DAP3: variants seen among roughly 807,000 people sequenced by gnomAD.
The protein encoded by DAP3 is death associated protein 3.
DAP3 carries 28 observed loss-of-function variants against 51.9 expected under a neutral mutation model. The observed-to-expected ratio is 0.54, with a 90% CI of 0.40 to 0.74. The LOEUF (loss-of-function observed/expected upper bound fraction) is 0.74. DAP3 is among the 30% of genes least tolerant of loss of function. The pLI, the probability that DAP3 is intolerant of heterozygous loss-of-function variation, is 0.00. For missense variants in DAP3, 458 were observed against 483.5 expected, an observed-to-expected ratio of 0.95 and a Z score of 0.49; for synonymous variants, 170 against 170.3, an observed-to-expected ratio of 1.00 and a Z score of 0.01.
chr1:155,728,374 C>T (rs2149191415), intron 7 of DAP3, among the ~76,000 whole-genome samples: 1 of 152,038 alleles, frequency 6.6e-6, no homozygotes, highest in East Asian at 1.9e-4. Context: ...TGAGCCTGGC[C>T]AACATGGTGA....
chr1:155,732,270 A>C (rs548809), intron 11 of DAP3: 25,615 of 273,194 alleles, frequency 0.094, 3,065 homozygotes, highest in African/African-American at 0.35. Context: ...TGCTCTGTCA[A>C]CCAGGCTTGA....
upstream of DAP3, chr1:155,688,928 A>G (rs1264843486): frequency 1.2e-6 from 2 of 1,612,324 alleles, no homozygotes; most frequent in Admixed American, 3.3e-5. Context: ...ATGACAACCT[A>G]CCTCCCTGGG....
chr1:155,732,879 C>T lies in DAP3; in HGVS notation c.993+846C>T, dbSNP rs796193813. Among the ~76,000 whole-genome samples the T allele has an allele frequency of 1.2e-4, 18 of 152,198 alleles. 1 individual carries two copies. The highest frequency in any genetic ancestry group is 4.1e-4 in the African/African-American group (17 of 41,536). On this transcript the variant is annotated intron_variant, in intron 11 of 12. Coordinates refer to ENST00000368336, the MANE Select transcript of DAP3 (RefSeq NM_004632.4). Reference sequence around the variant, plus strand: ...CTCTACTAAAAATACAAAAAATTAGCCAGGCGTCGTGGCGCGTGGCTGTAA... The same window carrying T: ...CTCTACTAAAAATACAAAAAATTAGTCAGGCGTCGTGGCGCGTGGCTGTAA...
chr1:155,730,914 C>T (rs1571560476), intron 9 of DAP3, among the ~76,000 whole-genome samples: 1 of 151,990 alleles, frequency 6.6e-6, no homozygotes, highest in Admixed American at 6.6e-5. Context: ...CCAGAGGCTA[C>T]GTGGCTTATC....
At chr1:155,730,090 GTATA>G (rs978881090) in intron 9 of DAP3, among the ~76,000 whole-genome samples, 14 of 139,034 alleles carry the variant, frequency 1.0e-4, no homozygotes, top group African/African-American at 2.7e-4. Context: ...ATTCATATAT[GTATA>G]TATACACACA....
Position 155,738,144 on chromosome 1 carries a change from G to A in DAP3, c.1112-13G>A. On this transcript the variant is annotated splice_polypyrimidine_tract_variant and intron_variant, in intron 12 of 12. Coordinates refer to ENST00000368336, the MANE Select transcript of DAP3 (RefSeq NM_004632.4). ...AGGAAACTGCCACTTACCTGTGTTT[G>A]TCTCCATTTTAGCTCCTACAGAAGA... 1 of 1,614,080 alleles carries A rather than the reference G, an allele frequency of 6.2e-7. No homozygotes were observed. The highest frequency in any genetic ancestry group is 8.5e-7 in the Non-Finnish European group (1 of 1,179,956).
chr1:155,725,978 T>A lies in DAP3; in HGVS notation c.431T>A (p.Phe144Tyr), dbSNP rs756760074. ...CTAAGTCTTTGCCATGTTATTCATT[T>A]CTGTGCAAAACAGGACTGGCTGATA... ...KTLSLCHVIH[F>Y]CAKQDWLILH... is the part of the protein sequence containing the mutation. Residue 144 changes from phenylalanine to tyrosine, a missense_variant, in exon 6 of 13, where the codon TTC becomes TAC. By Grantham distance (22) the Phe-to-Tyr change is conservative. Transcript: ENST00000368336. 1 of 1,614,192 alleles carries A rather than the reference T, an allele frequency of 6.2e-7. No homozygotes were observed. The highest frequency in any genetic ancestry group is 2.2e-5 in the East Asian group (1 of 44,874).
chr1:155,717,070 A>G lies in DAP3; in HGVS notation c.110A>G (p.Asp37Gly). Residue 37 changes from aspartate to glycine, a missense_variant, in exon 3 of 13, where the codon GAT becomes GGT. Transcript: ENST00000368336. ...QARQSIAAHL[D>G]NQVPVESPRA... ...CGCCAAAGCATTGCTGCTCACCTAGATAACCAGGTTCCAGTTGAGAGTCCG... is the reference window on the plus strand; with the variant it reads ...CGCCAAAGCATTGCTGCTCACCTAGGTAACCAGGTTCCAGTTGAGAGTCCG... 1 of 1,614,106 alleles carries G rather than the reference A, an allele frequency of 6.2e-7. No homozygotes were observed. Among genetic ancestry groups the G allele is most frequent in the Non-Finnish European group, 8.5e-7 (1 of 1,180,022 alleles).
chr1:155,734,344 CTT>C (rs372867843), intron 11 of DAP3, among the ~76,000 whole-genome samples: 2 of 145,358 alleles, frequency 1.4e-5, no homozygotes, highest in Non-Finnish European at 1.5e-5. Flanking sequence ...CTTTTCTTTC[CTT>C]TTTTTTTTTA....
intron 2 of DAP3, among the ~76,000 whole-genome samples, chr1:155,713,504 C>T (rs780309413): frequency 3.3e-5 from 5 of 152,192 alleles, no homozygotes; most frequent in Non-Finnish European, 7.3e-5. Flanking sequence ...TACGTACTCT[C>T]TCATTGCATG....
chr1:155,727,566 GT>G (rs1255413367), intron 6 of DAP3, 41 bp from the exon 7 acceptor site: 14 of 1,600,544 alleles, frequency 8.7e-6, no homozygotes, highest in Non-Finnish European at 1.2e-5. Context: ...GTTGAATACA[GT>G]TTCTGCCTGG....
intron 2 of DAP3, among the ~76,000 whole-genome samples, chr1:155,714,734 G>A (rs1657126285): frequency 2.0e-5 from 3 of 151,204 alleles, no homozygotes; most frequent in South Asian, 4.2e-4. Context: ...CAGCCTGGGC[G>A]ACAAGAGTGA....
intron 1 of DAP3, among the ~76,000 whole-genome samples, chr1:155,696,941 C>T (rs1001853952): frequency 6.6e-6 from 1 of 152,210 alleles, no homozygotes; most frequent in African/African-American, 2.4e-5. Context: ...GATGGGAGCC[C>T]TGGTTGTAAA....
chr1:155,702,316 C>A (rs759642761), intron 1 of DAP3, among the ~76,000 whole-genome samples: 2 of 151,416 alleles, frequency 1.3e-5, no homozygotes, highest in Non-Finnish European at 2.9e-5. Context: ...AAAAAAAATA[C>A]AAAAAAATTA....
chr1:155,738,246 A>C lies in DAP3; in HGVS notation c.*4A>C, dbSNP rs1298484430. Reference sequence around the variant, plus strand: ...GCGGCACTGTGCCTACCTCTAAGCCAAGATCACAGCATGTGAGGAAGACAG... The same window carrying C: ...GCGGCACTGTGCCTACCTCTAAGCCCAGATCACAGCATGTGAGGAAGACAG... On this transcript the variant is annotated 3_prime_UTR_variant, in exon 13 of 13. Coordinates refer to ENST00000368336, the MANE Select transcript of DAP3 (RefSeq NM_004632.4). 7 of 1,614,182 alleles carry C rather than the reference A, an allele frequency of 4.3e-6. No individual in the cohort carries two copies. The highest frequency in any genetic ancestry group is 5.9e-6 in the Non-Finnish European group (7 of 1,180,016).
At chr1:155,688,313 C>T (rs1488895732), upstream of DAP3, 2 of 1,561,542 alleles carry the variant, frequency 1.3e-6, no homozygotes, top group Non-Finnish European at 1.7e-6. Context: ...CAAAGCGAAC[C>T]CAAAATGGCG....
At chr1:155,723,872 C>G (rs555306435) in intron 4 of DAP3, among the ~76,000 whole-genome samples, 4 of 152,168 alleles carry the variant, frequency 2.6e-5, no homozygotes, top group Middle Eastern at 3.4e-3. Context: ...AACTCCATCT[C>G]TACTAAAAAT....
intron 6 of DAP3, 124 bp from the exon 7 acceptor site, chr1:155,727,484 A>G: frequency 2.7e-6 from 3 of 1,092,062 alleles, no homozygotes; most frequent in Non-Finnish European, 3.6e-6. Context: ...AAAAAAAAAA[A>G]AAGAAAAGAA....
intron 1 of DAP3, among the ~76,000 whole-genome samples, chr1:155,703,683 G>A (rs1345429415): frequency 3.9e-5 from 6 of 152,052 alleles, no homozygotes; most frequent in Admixed American, 2.0e-4. Context: ...GACTACAGGC[G>A]CCCGCCACCA....
Sources: gnomAD v4.1 joint callset for allele counts (sites outside exome capture counted in the v4.1 genomes callset) on GRCh38, gnomAD v4.1.1 for gene constraint, MANE v1.5 for transcripts, NCBI Gene and HGNC (gene_info 2026-07-23, HGNC 2026-07-21) for gene names.